The following ST3GAL5 variants were observed in gnomAD, a reference collection of about 807,000 sequenced individuals.
ST3GAL5 encodes lactosylceramide alpha-2,3-sialyltransferase.
In ST3GAL5, 25 loss-of-function variants were observed where a neutral mutation model predicts 46.1. The ratio of observed to expected loss-of-function variants is 0.54; its 90% CI spans 0.40 to 0.76. The LOEUF is 0.76. Ranked by LOEUF, ST3GAL5 falls within the 30% of genes least tolerant of loss-of-function variation. The probability of loss-of-function intolerance (pLI) is 0.00; values close to 1 mark genes in which losing one functional copy is unlikely to be tolerated. For synonymous variants in ST3GAL5, 182 were observed against 192.7 expected, an observed-to-expected ratio of 0.94 and a Z score of 0.46; for missense variants, 431 against 521.2, an observed-to-expected ratio of 0.83 and a Z score of 1.69.
rs377046345 is a variant in ST3GAL5, at chr2:85,848,108, C to T, written c.415G>A (p.Val139Met). 2.0e-5 allele frequency: 33 copies of T among 1,614,206 alleles called. No homozygotes were observed. The Middle Eastern group carries it at 4.9e-4, about 24-fold the overall frequency. The change falls in exon 4 of 7, where the codon GTG becomes ATG. Residue 139 changes from valine to methionine, a missense_variant. By Grantham distance (21) the Val-to-Met change is conservative (BLOSUM62 1). Transcript: ENST00000638572. ...MALLFEHRYS[V>M]DLLPFVQKAP... ...TTCTGCACAAAAGGGAGTAAGTCCA[C>T]GCTATACCTGTGCTCAAATAACAGC...
Position 85,837,357 on chromosome 2 carries a change from T to C in ST3GAL5, c.*2787A>G, listed in dbSNP as rs1351647722. 3.3e-5 allele frequency: 5 copies of C among 152,218 alleles called. No homozygotes were observed. Among genetic ancestry groups the C allele is most frequent in the African/African-American group, 1.2e-4 (5 of 41,460 alleles). 9.4% of individuals were successfully genotyped at this position (152,218 alleles called of 1,614,324 possible). On this transcript the variant is annotated 3_prime_UTR_variant, in exon 7 of 7. Coordinates refer to ENST00000638572, the MANE Select transcript of ST3GAL5 (RefSeq NM_003896.4). Reference sequence around the variant, plus strand: ...ACACAGAAAGACAAATATCACATGTTCTCATTCCTATGTAGGAGCTAAAAA... The same window carrying C: ...ACACAGAAAGACAAATATCACATGTCCTCATTCCTATGTAGGAGCTAAAAA...
chr2:85,851,484 C>G, intron 3 of ST3GAL5: 1 of 1,275,482 alleles, frequency 7.8e-7, no homozygotes, highest in Non-Finnish European at 1.0e-6. Context: ...AACAGGAGGA[C>G]CACATGGGCC....
chr2:85,841,895 T>C (rs1682156962), intron 6 of ST3GAL5, among the ~76,000 whole-genome samples: 1 of 152,210 alleles, frequency 6.6e-6, no homozygotes, highest in Non-Finnish European at 1.5e-5. Flanking sequence ...TGCAGCTCAC[T>C]AGGCCTCCTC....
chr2:85,853,031 GC>G (rs1364447032), intron 3 of ST3GAL5: 1 of 1,304,248 alleles, frequency 7.7e-7, no homozygotes. Context: ...CGATGAAGAA[GC>G]GGCTGAGTCC....
chr2:85,853,640 C>T (rs73945523), intron 3 of ST3GAL5: 2,681 of 157,430 alleles, frequency 0.017, 50 homozygotes, highest in African/African-American at 0.054. Flanking sequence ...GAGGACCACA[C>T]GGGCCATGTC....
intron 3 of ST3GAL5, among the ~76,000 whole-genome samples, chr2:85,859,960 C>T (rs1446670555): frequency 6.6e-6 from 1 of 152,098 alleles, no homozygotes; most frequent in African/African-American, 2.4e-5. Context: ...GTGGACACTC[C>T]CTAACCAGGC....
intron 1 of ST3GAL5, among the ~76,000 whole-genome samples, chr2:85,878,183 G>A (rs950858346): frequency 6.6e-6 from 1 of 152,178 alleles, no homozygotes; most frequent in African/African-American, 2.4e-5. Context: ...TGATGACCAG[G>A]TTTAGAAACT....
At chr2:85,864,058 T>G (rs1022570627) in intron 1 of ST3GAL5, among the ~76,000 whole-genome samples, 9 of 152,064 alleles carry the variant, frequency 5.9e-5, no homozygotes, top group African/African-American at 2.2e-4. Flanking sequence ...AACAGACTAG[T>G]GAGTGTCAGG....
chr2:85,874,082 T>A (rs1306812309), intron 1 of ST3GAL5, among the ~76,000 whole-genome samples: 1 of 152,194 alleles, frequency 6.6e-6, no homozygotes, highest in East Asian at 1.9e-4. Context: ...ATGAAAAAAA[T>A]TAAAATGTTG....
Position 85,851,331 on chromosome 2 carries a change from T to C in ST3GAL5, c.319-3127A>G, listed in dbSNP as rs554711700. 7.6e-5 allele frequency: 89 copies of C among 1,169,098 alleles called. No individual in the cohort carries two copies. In the African/African-American group the frequency reaches 1.4e-3, roughly 18 times the overall value. The allele number at this position is 1,169,098 out of a possible 1,614,324, so 72.4% of individuals were successfully genotyped here. A position where few individuals can be genotyped will look rare whatever the true frequency, so the allele number is the denominator to read the frequency against. On this transcript the variant is annotated intron_variant, in intron 3 of 6. Coordinates refer to ENST00000638572, the MANE Select transcript of ST3GAL5 (RefSeq NM_003896.4). Reference sequence around the variant, plus strand: ...CAGTAGTAAATCCTGAGTGAGTTTCTACATGTCCTGGCAACGTCTAAAGCC... The same window carrying C: ...CAGTAGTAAATCCTGAGTGAGTTTCCACATGTCCTGGCAACGTCTAAAGCC...
At chr2:85,882,271 C>T (rs1336872090) in intron 1 of ST3GAL5, among the ~76,000 whole-genome samples, 1 of 152,212 alleles carries the variant, frequency 6.6e-6, no homozygotes, top group Non-Finnish European at 1.5e-5. Flanking sequence ...AGAGCAGCCA[C>T]ACAGAGTCCC....
chr2:85,882,855 T>G (rs1010005982), intron 1 of ST3GAL5, among the ~76,000 whole-genome samples: 4 of 123,340 alleles, frequency 3.2e-5, no homozygotes, highest in African/African-American at 1.1e-4. Flanking sequence ...AAAAATTGAC[T>G]GCTCCACTGG....
chr2:85,868,538 T>C (rs558298630), intron 1 of ST3GAL5, among the ~76,000 whole-genome samples: 3 of 151,250 alleles, frequency 2.0e-5, no homozygotes, highest in Non-Finnish European at 2.9e-5. Context: ...CTCTAACTCC[T>C]GGGCTCAAGC....
chr2:85,869,957 C>T (rs756066410), intron 1 of ST3GAL5: 7 of 337,796 alleles, frequency 2.1e-5, no homozygotes, highest in Non-Finnish European at 3.0e-5. Flanking sequence ...CGCACACACA[C>T]GCACACATAG....
chr2:85,870,557 C>T (rs1184149620), intron 1 of ST3GAL5, among the ~76,000 whole-genome samples: 1 of 152,184 alleles, frequency 6.6e-6, no homozygotes, highest in Non-Finnish European at 1.5e-5. Flanking sequence ...CAGAAAAGGC[C>T]TGACTTTCAA....
chr2:85,860,999 G>A (rs749970035), intron 3 of ST3GAL5, 182 bp downstream of exon 3: 74 of 611,144 alleles, frequency 1.2e-4, no homozygotes, highest in Middle Eastern at 8.7e-4. Flanking sequence ...CTGTGGAGTA[G>A]TTAGTGGTGG....
At position 85,888,942 on chromosome 2, in the gene ST3GAL5, A is replaced by G. The variant is rs1216320545; in HGVS notation, c.-37T>C. ...GGCGCCGGCCGGCCGCCAGCCCGGT[A>G]CCCCGCGCCCCCACCCGCCCCCAGC... is the stretch of plus-strand genomic sequence containing the variant. On this transcript the variant is annotated 5_prime_UTR_variant, in exon 1 of 7. Transcript: ENST00000638572. 8.0e-5 allele frequency: 104 copies of G among 1,293,400 alleles called. No individual in the cohort carries two copies. Among genetic ancestry groups the G allele is most frequent in the Non-Finnish European group, 9.9e-5 (101 of 1,018,786 alleles). The allele number at this position is 1,293,400 out of a possible 1,614,324, so 80.1% of individuals were successfully genotyped here. A position where few individuals can be genotyped will look rare whatever the true frequency, so the allele number is the denominator to read the frequency against.
intron 1 of ST3GAL5, 77 bp from the exon 2 acceptor site, chr2:85,863,562 G>GC: frequency 1.3e-6 from 2 of 1,510,400 alleles, no homozygotes; most frequent in Non-Finnish European, 1.8e-6. Flanking sequence ...TTTTCAAAGA[G>GC]CCTTTATATG....
At chr2:85,853,906 A>G (rs565304975) in intron 3 of ST3GAL5, 2 of 152,304 alleles carry the variant, frequency 1.3e-5, no homozygotes, top group African/African-American at 4.8e-5. Context: ...ACCGTTTTGA[A>G]AAGTGGAGCA....
Sources: gnomAD v4.1 joint callset for allele counts (sites outside exome capture counted in the v4.1 genomes callset) on GRCh38, gnomAD v4.1.1 for gene constraint, MANE v1.5 for transcripts, NCBI Gene and HGNC (gene_info 2026-07-23, HGNC 2026-07-21) for gene names.